TNKS2: variants seen among roughly 807,000 people sequenced by gnomAD.
The protein encoded by TNKS2 is tankyrase 2.
A neutral mutation model predicts 137.6 loss-of-function variants in TNKS2; 72 were observed. The observed-to-expected ratio is 0.52, with a 90% confidence interval of 0.43 to 0.64. The LOEUF (loss-of-function observed/expected upper bound fraction) is 0.64, where lower values mean the gene tolerates loss of function less well. TNKS2 is among the 30% of genes least tolerant of loss of function. The probability of loss-of-function intolerance (pLI) is 0.00; values close to 1 mark genes in which losing one functional copy is unlikely to be tolerated. For missense variants in TNKS2, 1,049 were observed against 1,410.2 expected, an observed-to-expected ratio of 0.74 and a Z score of 4.10; for synonymous variants, 516 against 512.1, an observed-to-expected ratio of 1.01 and a Z score of -0.10.
At chr10:91,833,803 T>C in intron 11 of TNKS2, 50 bp from the exon 12 acceptor site, 1 of 1,447,436 alleles carries the variant, frequency 6.9e-7, no homozygotes, top group Non-Finnish European at 9.2e-7. Flanking sequence ...GATTGTATGG[T>C]TTTAAATTTT....
chr10:91,821,061 G>A lies in TNKS2; in HGVS notation c.728+1028G>A, dbSNP rs113216360. Among the ~76,000 whole-genome samples, 861 of 151,736 alleles carry A rather than the reference G, an allele frequency of 5.7e-3. 9 individuals are homozygous for A. Among genetic ancestry groups the A allele is most frequent in the African/African-American group, 0.019 (791 of 41,318 alleles). ...TTATTTTATTTTATTTTTTTTAGACGGAGTCTTGCTCTGTCGCCCAGGCTG... is the reference window on the plus strand; with the variant it reads ...TTATTTTATTTTATTTTTTTTAGACAGAGTCTTGCTCTGTCGCCCAGGCTG... On this transcript the variant is annotated intron_variant, in intron 6 of 26. Transcript: ENST00000371627.
intron 13 of TNKS2, among the ~76,000 whole-genome samples, chr10:91,838,151 A>G (rs1009255722): frequency 6.7e-6 from 1 of 150,184 alleles, no homozygotes; most frequent in African/African-American, 2.4e-5. Context: ...TTTAGTAAAC[A>G]TGTTAAAGAC....
Position 91,863,304 on chromosome 10 carries a change from A to C in TNKS2, c.*305A>C, listed in dbSNP as rs1842900764. ...TATATGTTATGCATTGATTCTAACAAACTGTAATGCCCTCAACAGAACTAA... is the reference window on the plus strand; with the variant it reads ...TATATGTTATGCATTGATTCTAACACACTGTAATGCCCTCAACAGAACTAA... On this transcript the variant is annotated 3_prime_UTR_variant, in exon 27 of 27. Coordinates refer to ENST00000371627, the MANE Select transcript of TNKS2 (RefSeq NM_025235.4). The C allele has an allele frequency of 8.6e-6, 2 of 231,576 alleles. No individual in the cohort carries two copies. Among genetic ancestry groups the C allele is most frequent in the African/African-American group, 4.6e-5 (2 of 43,946 alleles). The allele number at this position is 231,576 out of a possible 1,614,324, so 14.3% of individuals were successfully genotyped here.
In TNKS2 at chr10:91,848,566, T is replaced by G; in HGVS notation, c.2542T>G (p.Phe848Val). The change falls in exon 19 of 27, where the codon TTT becomes GTT. Residue 848 changes from phenylalanine to valine, a missense_variant. Physicochemically the swap from Phe to Val is conservative, Grantham distance 50 (BLOSUM62 -1). Coordinates refer to ENST00000371627, the MANE Select transcript of TNKS2 (RefSeq NM_025235.4). ...CAGTCTTGACAACTTATCTGGGAGT[T>G]TTTCAGAACTGTCTTCAGTAGTTAG... ...ASSLDNLSGSFSELSSVVSSS... is the reference protein window; with the variant it reads ...ASSLDNLSGSVSELSSVVSSS... The G allele has an allele frequency of 6.2e-7, 1 of 1,614,100 alleles. No homozygotes were observed. The highest frequency in any genetic ancestry group is 1.3e-5 in the African/African-American group (1 of 75,002).
Position 91,864,973 on chromosome 10 carries a change from T to C in TNKS2, c.*1974T>C, listed in dbSNP as rs1842939935. ...TTATTTTATCTAATCCATTGCTTAA[T>C]GAGTGTGTTTTTCCATGAATGAATA... On this transcript the variant is annotated 3_prime_UTR_variant, in exon 27 of 27. Coordinates refer to ENST00000371627, the MANE Select transcript of TNKS2 (RefSeq NM_025235.4). 6.6e-6 allele frequency: 1 copy of C among 152,584 alleles called. No individual in the cohort carries two copies. The highest frequency in any genetic ancestry group is 2.1e-4 in the South Asian group (1 of 4,830). 9.5% of individuals were successfully genotyped at this position (152,584 alleles called of 1,614,324 possible). A position where few individuals can be genotyped will look rare whatever the true frequency, so the allele number is the denominator to read the frequency against.
rs190980975 is a variant in TNKS2 at position 91,799,984 on chromosome 10, T to C, written c.199+1095T>C. Among the ~76,000 whole-genome samples, 244 of 152,322 alleles carry C rather than the reference T, an allele frequency of 1.6e-3. 1 individual carries two copies. The highest frequency in any genetic ancestry group is 2.9e-3 in the Non-Finnish European group (196 of 68,044). ...AGAAATATTTCCTCTTTCACAGATA[T>C]TACTTTTACACTTTCTACCAATTGG... On this transcript the variant is annotated intron_variant, in intron 1 of 26. Transcript: ENST00000371627.
At chr10:91,811,861 C>T (rs1161206784) in intron 1 of TNKS2, among the ~76,000 whole-genome samples, 1 of 152,090 alleles carries the variant, frequency 6.6e-6, no homozygotes, top group African/African-American at 2.4e-5. Flanking sequence ...AGATCGAGAC[C>T]ATCCTGGCTA....
Position 91,804,228 on chromosome 10 carries a change from C to G in TNKS2, c.199+5339C>G, listed in dbSNP as rs557559061. 1.7e-4 allele frequency among the ~76,000 whole-genome samples: 26 copies of G among 152,218 alleles called. No homozygotes were observed. The South Asian group carries it at 5.4e-3, about 32-fold the overall frequency. Reference sequence around the variant, plus strand: ...AGCAGAGTATTAGACATGCATTAAACAAATGTTTGTCAAGTCCTGCTATAT... The same window carrying G: ...AGCAGAGTATTAGACATGCATTAAAGAAATGTTTGTCAAGTCCTGCTATAT... On this transcript the variant is annotated intron_variant, in intron 1 of 26. Transcript: ENST00000371627.
chr10:91,800,969 T>A (rs1186489017), intron 1 of TNKS2, among the ~76,000 whole-genome samples: 4 of 152,260 alleles, frequency 2.6e-5, no homozygotes, highest in African/African-American at 9.6e-5. Flanking sequence ...GGTGGTATTA[T>A]GTAACTGCCT....
chr10:91,844,679 T>G lies in TNKS2; in HGVS notation c.2060-240T>G, dbSNP rs1056372679. Among the ~76,000 whole-genome samples the G allele has an allele frequency of 7.9e-5, 12 of 152,174 alleles. No homozygotes were observed. In the East Asian group the frequency reaches 2.1e-3, roughly 27 times the overall value. On this transcript the variant is annotated intron_variant, in intron 16 of 26. Transcript: ENST00000371627. ...AAGCTAATTGATAACACAAAAAGCT[T>G]CCAACTTGAGGCAAGGGGGAAATGT... is the stretch of plus-strand genomic sequence containing the variant.
At chr10:91,843,499 C>G (rs1842275727) in intron 16 of TNKS2, among the ~76,000 whole-genome samples, 1 of 152,150 alleles carries the variant, frequency 6.6e-6, no homozygotes, top group Non-Finnish European at 1.5e-5. Flanking sequence ...GTTAGGGCTT[C>G]AACATAAGAA....
In TNKS2 at chr10:91,817,869, G is replaced by A. The variant is rs114761932; in HGVS notation, c.520+640G>A. ...TTCACATATTATCTCCCTTGTTAATGTGCTTTCCTCTTAGCAACTCAGCCA... is the reference window on the plus strand; with the variant it reads ...TTCACATATTATCTCCCTTGTTAATATGCTTTCCTCTTAGCAACTCAGCCA... On this transcript the variant is annotated intron_variant, in intron 3 of 26. Coordinates refer to ENST00000371627, the MANE Select transcript of TNKS2 (RefSeq NM_025235.4). Among the ~76,000 whole-genome samples the A allele has an allele frequency of 2.2e-3, 341 of 152,250 alleles. 1 individual carries two copies. The highest frequency in any genetic ancestry group is 7.9e-3 in the African/African-American group (327 of 41,534).
Position 91,851,354 on chromosome 10 carries a change from T to G in TNKS2, c.2815+18T>G. On this transcript the variant is annotated intron_variant, in intron 21 of 26. Transcript: ENST00000371627. ...ACAACAAGGTATTTTATTTTAATAA[T>G]TGCTGTTGTCAGTTTAACAGTTTGC... The G allele has an allele frequency of 6.2e-7, 1 of 1,607,988 alleles. No individual in the cohort carries two copies. The highest frequency in any genetic ancestry group is 8.5e-7 in the Non-Finnish European group (1 of 1,178,592).
chr10:91,832,517 G>A (rs1841843549), intron 11 of TNKS2, among the ~76,000 whole-genome samples: 1 of 151,670 alleles, frequency 6.6e-6, no homozygotes, highest in African/African-American at 2.4e-5. Context: ...CAGCGAGTTA[G>A]GGTATGTGAA....
chr10:91,798,719 G>T lies in TNKS2; in HGVS notation c.29G>T (p.Gly10Val), dbSNP rs1304869516. The T allele has an allele frequency of 1.6e-6, 2 of 1,239,830 alleles. No individual in the cohort carries two copies. The highest frequency in any genetic ancestry group is 8.5e-5 in the Admixed American group (2 of 23,492). The allele number at this position is 1,239,830 out of a possible 1,614,324, so 76.8% of individuals were successfully genotyped here. The stretch of plus-strand genomic sequence containing the variant: ...TCGGGTCGCCGCTGCGCCGGCGGGG[G>T]AGCGGCCTGCGCGAGCGCCGCGGCC... The part of the protein sequence containing the change: MSGRRCAGG[G>V]AACASAAAEA... The change falls in exon 1 of 27, where the codon GGA (glycine) becomes GTA (valine). Residue 10 changes from glycine (G) to valine (V), a missense_variant. By Grantham distance (109) the Gly-to-Val change is moderately radical. Transcript: ENST00000371627.
chr10:91,823,830 C>T (rs1330133015), intron 7 of TNKS2, among the ~76,000 whole-genome samples: 2 of 152,086 alleles, frequency 1.3e-5, no homozygotes. Flanking sequence ...TGGTTCCTTT[C>T]GGGCCTGAGT....
chr10:91,826,883 T>G, intron 7 of TNKS2, 134 bp from the exon 8 acceptor site: 5 of 806,338 alleles, frequency 6.2e-6, no homozygotes, highest in Non-Finnish European at 8.6e-6. Flanking sequence ...ATACTCATTC[T>G]GAAATAATTG....
intron 20 of TNKS2, among the ~76,000 whole-genome samples, chr10:91,850,177 C>T (rs1322527086): frequency 6.6e-6 from 1 of 151,030 alleles, no homozygotes; most frequent in Admixed American, 6.6e-5. Context: ...ACCAGCCTGG[C>T]CAAGATGGTG....
At chr10:91,829,219 T>G (rs1033505046) in intron 9 of TNKS2, among the ~76,000 whole-genome samples, 15 of 152,268 alleles carry the variant, frequency 9.9e-5, no homozygotes, top group African/African-American at 3.6e-4. Flanking sequence ...CTATGAAATT[T>G]ATGTAGAAAC....
Sources: allele counts gnomAD v4.1 joint callset (sites outside exome capture counted in the v4.1 genomes callset), GRCh38; gene constraint gnomAD v4.1.1; transcripts MANE v1.5; gene names NCBI Gene and HGNC (gene_info 2026-07-23, HGNC 2026-07-21).